SMYD3: variants seen among roughly 807,000 people sequenced by gnomAD.
SMYD3 encodes histone-lysine N-methyltransferase SMYD3.
In SMYD3, 36 loss-of-function variants were observed where a neutral mutation model predicts 57.7. The observed-to-expected ratio is 0.62, with a 90% CI of 0.48 to 0.82. SMYD3 has a LOEUF of 0.82. SMYD3 is among the 40% of genes least tolerant of loss of function. The pLI is 0.00. For synonymous variants in SMYD3, 211 were observed against 195.0 expected, an observed-to-expected ratio of 1.08 and a Z score of -0.68; for missense variants, 515 against 538.8, an observed-to-expected ratio of 0.96 and a Z score of 0.44.
chr1:245,990,714 C>G lies in SMYD3; in HGVS notation c.532-60777G>C, dbSNP rs377081007. ...GCTGGAAAAGGCAAGGAAGCAGATT[C>G]TCCCTAGAGTGTCCAGAAGGAGCCG... is the stretch of plus-strand genomic sequence containing the variant. On this transcript the variant is annotated intron_variant, in intron 5 of 11. Transcript: ENST00000490107. 1.4e-4 allele frequency among the ~76,000 whole-genome samples: 22 copies of G among 152,344 alleles called. 1 individual carries two copies. In the East Asian group the frequency reaches 2.1e-3, roughly 15 times the overall value.
At chr1:246,295,881 G>C (rs1423196645) in intron 5 of SMYD3, among the ~76,000 whole-genome samples, 1 of 152,110 alleles carries the variant, frequency 6.6e-6, no homozygotes, top group African/African-American at 2.4e-5. Flanking sequence ...ATCAGAAGGA[G>C]AACAAAATCA....
chr1:245,925,639 T>C (rs921545451), intron 7 of SMYD3, among the ~76,000 whole-genome samples: 1 of 152,118 alleles, frequency 6.6e-6, no homozygotes, highest in African/African-American at 2.4e-5. Context: ...CCACAAGAAA[T>C]ACTGCCGGTC....
intron 1 of SMYD3, among the ~76,000 whole-genome samples, chr1:246,387,332 T>C (rs1281987979): frequency 6.6e-6 from 1 of 152,210 alleles, no homozygotes. Flanking sequence ...GGCAACACTG[T>C]TAACTTTGTT....
In SMYD3 at chr1:246,259,605, C is replaced by T. The variant is rs555237468; in HGVS notation, c.531+67596G>A. 1.2e-4 allele frequency among the ~76,000 whole-genome samples: 19 copies of T among 152,268 alleles called. 1 individual carries two copies. Among genetic ancestry groups the T allele is most frequent in the African/African-American group, 4.6e-4 (19 of 41,550 alleles). On this transcript the variant is annotated intron_variant, in intron 5 of 11. Coordinates refer to ENST00000490107, the MANE Select transcript of SMYD3 (RefSeq NM_001167740.2). ...AGTAGATGATGCTTATAGGTAAGAG[C>T]CAGTTGCAGCCAATGTAGCTGGATA...
At chr1:245,894,730 G>A (rs1158233986) in intron 8 of SMYD3, among the ~76,000 whole-genome samples, 1 of 152,200 alleles carries the variant, frequency 6.6e-6, no homozygotes, top group African/African-American at 2.4e-5. Flanking sequence ...GTGTTGGGCT[G>A]GGGATGGTAC....
chr1:246,372,371 A>AT (rs1030999829), intron 1 of SMYD3, among the ~76,000 whole-genome samples: 6 of 151,974 alleles, frequency 3.9e-5, no homozygotes, highest in African/African-American at 9.7e-5. Context: ...TTTTTATTCT[A>AT]TTTTTTTAGC....
chr1:245,983,933 T>C (rs1184861502), intron 5 of SMYD3, among the ~76,000 whole-genome samples: 3 of 151,844 alleles, frequency 2.0e-5, no homozygotes, highest in African/African-American at 4.8e-5. Flanking sequence ...ATAGGTCAAT[T>C]AGAATGCAAC....
intron 2 of SMYD3, among the ~76,000 whole-genome samples, chr1:246,351,632 CAT>C (rs745445816): frequency 5.9e-5 from 9 of 152,160 alleles, no homozygotes; most frequent in Non-Finnish European, 1.0e-4. Context: ...GGAGTAAATA[CAT>C]ATGTCGATGT....
rs112951420 is a variant in SMYD3 at position 246,151,641 on chromosome 1, C to T, written c.531+175560G>A. Among the ~76,000 whole-genome samples the T allele has an allele frequency of 1.6e-3, 242 of 152,336 alleles. 1 individual carries two copies. Among genetic ancestry groups the T allele is most frequent in the African/African-American group, 5.3e-3 (222 of 41,584 alleles). ...TCCTTCCTCCACAGTCCTCACTCCA[C>T]CAGCAGACAGATTCAAACATCACTT... On this transcript the variant is annotated intron_variant, in intron 5 of 11. Transcript: ENST00000490107.
intron 1 of SMYD3, among the ~76,000 whole-genome samples, chr1:246,502,087 T>G (rs990343399): frequency 4.4e-4 from 67 of 152,018 alleles, no homozygotes; most frequent in African/African-American, 1.6e-3. Flanking sequence ...GTTATTACCC[T>G]TTATTGCCTG....
chr1:245,829,828 G>A (rs1313918639), intron 10 of SMYD3, among the ~76,000 whole-genome samples: 4 of 152,108 alleles, frequency 2.6e-5, no homozygotes. Context: ...CAACATGCAT[G>A]AACCTTGAAA....
chr1:245,825,742 T>C (rs949451386), intron 10 of SMYD3, among the ~76,000 whole-genome samples: 6 of 152,100 alleles, frequency 3.9e-5, no homozygotes, highest in Non-Finnish European at 8.8e-5. Flanking sequence ...ACATGTGTCA[T>C]TATTCTAAAT....
Position 245,791,092 on chromosome 1 carries a change from A to G in SMYD3, c.1077-26943T>C, listed in dbSNP as rs370247373. On this transcript the variant is annotated intron_variant, in intron 10 of 11. Transcript: ENST00000490107. ...TCACCACCCAGGCTGCATGTCTTCA[A>G]TAAGCTACACCATGAAAAAGCTACA... Among the ~76,000 whole-genome samples, 8 of 152,310 alleles carry G rather than the reference A, an allele frequency of 5.3e-5. No homozygotes were observed. The South Asian group carries it at 1.5e-3, about 28-fold the overall frequency.
At chr1:246,433,790 CA>C (rs2067332141) in intron 1 of SMYD3, among the ~76,000 whole-genome samples, 1 of 152,208 alleles carries the variant, frequency 6.6e-6, no homozygotes, top group Admixed American at 6.5e-5. Context: ...ATATAGAACT[CA>C]AAAAGAGCCC....
At chr1:246,226,427 T>G (rs2063331554) in intron 5 of SMYD3, among the ~76,000 whole-genome samples, 1 of 152,228 alleles carries the variant, frequency 6.6e-6, no homozygotes, top group Non-Finnish European at 1.5e-5. Context: ...ACCTAAGATA[T>G]ATTTTCATCA....
At chr1:246,297,826 T>C (rs1375319834) in intron 5 of SMYD3, among the ~76,000 whole-genome samples, 1 of 152,158 alleles carries the variant, frequency 6.6e-6, no homozygotes, top group Non-Finnish European at 1.5e-5. Context: ...CAGTTCTAAA[T>C]ATGTGTTATC....
At chr1:245,985,178 A>G (rs548759638) in intron 5 of SMYD3, among the ~76,000 whole-genome samples, 16 of 152,026 alleles carry the variant, frequency 1.1e-4, no homozygotes, top group Admixed American at 8.5e-4. Flanking sequence ...CACCATCCCT[A>G]TAAGTGCTGG....
intron 11 of SMYD3, among the ~76,000 whole-genome samples, chr1:245,759,651 T>C (rs1203513424): frequency 6.6e-6 from 1 of 152,188 alleles, no homozygotes; most frequent in African/African-American, 2.4e-5. Flanking sequence ...TCTCTAGGAC[T>C]TGCGGCCTGG....
Position 246,360,863 on chromosome 1 carries a change from A to G in SMYD3, c.165-5769T>C, listed in dbSNP as rs551367804. ...TAAAAATTCTAGAAGATAACATCGG[A>G]AAAACCTTTCTAGACATTGGCTTAG... On this transcript the variant is annotated intron_variant, in intron 1 of 11. Transcript: ENST00000490107. 2.6e-5 allele frequency among the ~76,000 whole-genome samples: 4 copies of G among 152,308 alleles called. No homozygotes were observed. The East Asian group carries it at 7.7e-4, about 29-fold the overall frequency.
Sources: gnomAD v4.1 joint callset for allele counts (sites outside exome capture counted in the v4.1 genomes callset) on GRCh38, gnomAD v4.1.1 for gene constraint, MANE v1.5 for transcripts, NCBI Gene and HGNC (gene_info 2026-07-23, HGNC 2026-07-21) for gene names.